TMPRSS15: variants seen among roughly 807,000 people sequenced by gnomAD.
TMPRSS15 encodes transmembrane serine protease 15, also known as enteropeptidase.
Under a neutral mutation model 125.3 loss-of-function variants are expected in TMPRSS15, and 128 were observed. The observed-to-expected ratio is 1.02, with a 90% CI of 0.89 to 1.18. The LOEUF is 1.18. TMPRSS15 is among the 50% of genes most tolerant of loss of function. The pLI is 0.00. For synonymous variants in TMPRSS15, 446 were observed against 423.2 expected, an observed-to-expected ratio of 1.05 and a Z score of -0.66; for missense variants, 1,283 against 1,212.7, an observed-to-expected ratio of 1.06 and a Z score of -0.86.
rs755723716 is a variant in TMPRSS15, at chr21:18,344,075, A to T, written c.1172-15T>A. On this transcript the variant is annotated splice_polypyrimidine_tract_variant and intron_variant, in intron 10 of 24. Coordinates refer to ENST00000284885, the MANE Select transcript of TMPRSS15 (RefSeq NM_002772.3). The stretch of plus-strand genomic sequence containing the variant: ...AATGTAAAATCCTGTAAAAATATCA[A>T]AAAAAATTTATTTCACTTAAATATT... 6.3e-6 allele frequency: 10 copies of T among 1,599,422 alleles called. No individual in the cohort carries two copies. In the African/African-American group the frequency reaches 1.3e-4, roughly 21 times the overall value.
chr21:18,362,408 C>A (rs907523633), intron 7 of TMPRSS15, among the ~76,000 whole-genome samples: 19 of 152,168 alleles, frequency 1.2e-4, no homozygotes, highest in African/African-American at 4.1e-4. Flanking sequence ...GCATGAGGAG[C>A]CCCCTAGGAC....
chr21:18,453,738 A>T (rs1978384999), intron 1 of TMPRSS15, among the ~76,000 whole-genome samples: 1 of 152,246 alleles, frequency 6.6e-6, no homozygotes, highest in Non-Finnish European at 1.5e-5. Context: ...TGGCTAAGAT[A>T]TGGAAACAAT....
In TMPRSS15 at chr21:18,403,546, G is replaced by A; in HGVS notation, c.77C>T (p.Ala26Val). 1 of 1,614,128 alleles carries A rather than the reference G, an allele frequency of 6.2e-7. No homozygotes were observed. The highest frequency in any genetic ancestry group is 1.3e-5 in the African/African-American group (1 of 75,050). Reference sequence around the variant, plus strand: ...TCCAGCACAGAGCACTACCAATATGGCAAAGAGAGCTGCAAACATGATTTC... The same window carrying A: ...TCCAGCACAGAGCACTACCAATATGACAAAGAGAGCTGCAAACATGATTTC... ...SYEIMFAALFAILVVLCAGLI... is the reference protein window; with the variant it reads ...SYEIMFAALFVILVVLCAGLI... The change falls in exon 1 of 25, where the codon GCC becomes GTC. Residue 26 changes from alanine to valine, a missense_variant. Physicochemically the swap from Ala to Val is moderately conservative, Grantham distance 64. Transcript: ENST00000284885.
intron 1 of TMPRSS15, among the ~76,000 whole-genome samples, chr21:18,415,883 C>T (rs1323743915): frequency 6.6e-6 from 1 of 151,988 alleles, no homozygotes; most frequent in Non-Finnish European, 1.5e-5. Context: ...ATGACATCAT[C>T]TTGTGTGTAG....
At chr21:18,288,831 C>T (rs913956797) in intron 21 of TMPRSS15, among the ~76,000 whole-genome samples, 4 of 151,220 alleles carry the variant, frequency 2.6e-5, no homozygotes, top group South Asian at 2.1e-4. Context: ...CCACCACACC[C>T]GGCCGCTCTT....
chr21:18,340,562 G>C (rs1407083033), intron 13 of TMPRSS15, among the ~76,000 whole-genome samples: 1 of 152,054 alleles, frequency 6.6e-6, no homozygotes, highest in African/African-American at 2.4e-5. Flanking sequence ...TATGAGTTCT[G>C]TCCCTCTAGA....
chr21:18,366,337 C>T (rs565909896), intron 6 of TMPRSS15, among the ~76,000 whole-genome samples: 20 of 152,252 alleles, frequency 1.3e-4, no homozygotes, highest in African/African-American at 4.8e-4. Context: ...ACTCTTGCTC[C>T]TTTGGGAGAT....
chr21:18,367,999 A>C (rs753416422), intron 6 of TMPRSS15, among the ~76,000 whole-genome samples: 3 of 152,196 alleles, frequency 2.0e-5, no homozygotes, highest in Admixed American at 6.5e-5. Flanking sequence ...AAGAAACAGA[A>C]AATTTTTTAA....
At chr21:18,368,120 G>C (rs1424751021) in intron 6 of TMPRSS15, among the ~76,000 whole-genome samples, 3 of 152,082 alleles carry the variant, frequency 2.0e-5, no homozygotes, top group Non-Finnish European at 4.4e-5. Flanking sequence ...GAGAGAAAGG[G>C]AACAAAACAA....
intron 21 of TMPRSS15, among the ~76,000 whole-genome samples, chr21:18,290,677 A>C (rs893350977): frequency 6.6e-6 from 1 of 152,212 alleles, no homozygotes; most frequent in Non-Finnish European, 1.5e-5. Context: ...CATGCAAACA[A>C]AATAAAGAGC....
chr21:18,320,958 A>T (rs1445694245), intron 16 of TMPRSS15, among the ~76,000 whole-genome samples: 1 of 152,186 alleles, frequency 6.6e-6, no homozygotes, highest in Non-Finnish European at 1.5e-5. Context: ...AGTCTCCAGT[A>T]GCGTTGCCTC....
At chr21:18,455,800 G>C (rs1978431334) in intron 1 of TMPRSS15, among the ~76,000 whole-genome samples, 1 of 152,158 alleles carries the variant, frequency 6.6e-6, no homozygotes, top group Non-Finnish European at 1.5e-5. Context: ...TTTTAGAAGA[G>C]AAGGGATAAA....
chr21:18,380,379 T>C (rs2075881820), intron 4 of TMPRSS15, among the ~76,000 whole-genome samples: 1 of 152,126 alleles, frequency 6.6e-6, no homozygotes, highest in Admixed American at 6.6e-5. Flanking sequence ...AACATTGTAA[T>C]ATTACGAATT....
chr21:18,429,375 T>C (rs1402846177), intron 1 of TMPRSS15, among the ~76,000 whole-genome samples: 1 of 152,134 alleles, frequency 6.6e-6, no homozygotes, highest in Non-Finnish European at 1.5e-5. Context: ...TGTGGGGACA[T>C]GAGATTTGGA....
chr21:18,351,816 G>A (rs954477556), intron 10 of TMPRSS15, among the ~76,000 whole-genome samples: 2 of 152,068 alleles, frequency 1.3e-5, no homozygotes, highest in Admixed American at 1.3e-4. Flanking sequence ...ACAAATAAGT[G>A]AGTAAATATA....
intron 7 of TMPRSS15, among the ~76,000 whole-genome samples, chr21:18,360,849 A>G (rs2075673482): frequency 6.6e-6 from 1 of 151,946 alleles, no homozygotes; most frequent in African/African-American, 2.4e-5. Flanking sequence ...CTTGCATTTG[A>G]TCTGTACATC....
At chr21:18,356,495 A>C (rs1431483806) in intron 8 of TMPRSS15, among the ~76,000 whole-genome samples, 1 of 151,754 alleles carries the variant, frequency 6.6e-6, no homozygotes, top group Non-Finnish European at 1.5e-5. Context: ...TGAGTTATTA[A>C]AAATAACCAT....
At chr21:18,271,214 C>CAGA (rs2074551528) in intron 24 of TMPRSS15, among the ~76,000 whole-genome samples, 1 of 152,160 alleles carries the variant, frequency 6.6e-6, no homozygotes, top group African/African-American at 2.4e-5. Context: ...ATCCCAAACC[C>CAGA]TTAATCTGTA....
intron 8 of TMPRSS15, among the ~76,000 whole-genome samples, chr21:18,358,950 A>G (rs773982315): frequency 6.6e-6 from 1 of 152,126 alleles, no homozygotes; most frequent in Non-Finnish European, 1.5e-5. Context: ...AAGTTATTAT[A>G]TAAAATTTAA....
Sources: gnomAD v4.1 joint callset for allele counts (sites outside exome capture counted in the v4.1 genomes callset) on GRCh38, gnomAD v4.1.1 for gene constraint, MANE v1.5 for transcripts, NCBI Gene and HGNC (gene_info 2026-07-23, HGNC 2026-07-21) for gene names.